Variants in CEP83 observed in about 807,000 individuals in gnomAD.
The protein encoded by CEP83 is centrosomal protein of 83 kDa.
CEP83 carries 70 observed loss-of-function variants against 101.9 expected under a neutral mutation model. That is an observed-to-expected ratio of 0.69 (90% CI 0.57 to 0.84). The LOEUF is 0.84. Ranked by LOEUF, CEP83 falls within the 40% of genes least tolerant of loss-of-function variation. The probability of loss-of-function intolerance (pLI) is 0.00; values close to 1 mark genes in which losing one functional copy is unlikely to be tolerated. For missense variants in CEP83, 715 were observed against 787.2 expected, an observed-to-expected ratio of 0.91 and a Z score of 1.10; for synonymous variants, 264 against 267.9, an observed-to-expected ratio of 0.99 and a Z score of 0.14.
intron 2 of CEP83, among the ~76,000 whole-genome samples, chr12:94,413,216 T>C (rs1015336027): frequency 2.0e-5 from 3 of 152,212 alleles, no homozygotes; most frequent in African/African-American, 7.2e-5. Flanking sequence ...TAAAACAAAA[T>C]GCAAATATAA....
intron 6 of CEP83, among the ~76,000 whole-genome samples, chr12:94,400,223 A>G (rs1351162939): frequency 6.6e-6 from 1 of 152,202 alleles, no homozygotes; most frequent in Non-Finnish European, 1.5e-5. Flanking sequence ...AATATTCCAA[A>G]AGCAACACGA....
intron 1 of CEP83, among the ~76,000 whole-genome samples, chr12:94,435,833 C>T (rs2065943003): frequency 6.6e-6 from 1 of 152,206 alleles, no homozygotes; most frequent in East Asian, 1.9e-4. Flanking sequence ...CCAGCATTCA[C>T]TCTCCTGCCA....
Position 94,441,335 on chromosome 12 carries a change from C to A in CEP83, c.-154-6008G>T, listed in dbSNP as rs182008674. ...CTCAAACAAATCTGCAAGAAAAAAA[C>A]CAAATATTCCCATCAAAAATTAGGG... On this transcript the variant is annotated intron_variant, in intron 1 of 16. Coordinates refer to ENST00000397809, the MANE Select transcript of CEP83 (RefSeq NM_016122.3). Among the ~76,000 whole-genome samples the A allele has an allele frequency of 7.7e-3, 1,177 of 152,162 alleles. 7 individuals carry two copies. Among genetic ancestry groups the A allele is most frequent in the African/African-American group, 0.011 (477 of 41,516 alleles).
the CEP83 span, chr12:94,277,783 A>G: frequency 7.7e-5 from 28 of 364,638 alleles, no homozygotes; most frequent in African/African-American, 3.8e-4. Flanking sequence ...TATTGCCGAT[A>G]CTATCATCAA....
chr12:94,429,385 T>A (rs1415709214), intron 2 of CEP83, among the ~76,000 whole-genome samples: 1 of 152,146 alleles, frequency 6.6e-6, no homozygotes, highest in Admixed American at 6.5e-5. Context: ...CACAACAGCA[T>A]TGCTCCAGAG....
At chr12:94,297,280 TCTC>T in the CEP83 span, 1 of 1,612,270 alleles carries the variant, frequency 6.2e-7, no homozygotes, top group Non-Finnish European at 8.5e-7. Context: ...GCAAGAGTGG[TCTC>T]CTTGGGTAAC....
At chr12:94,307,205 T>C (rs920556328), downstream of CEP83, 2 of 152,196 alleles carry the variant, frequency 1.3e-5, no homozygotes, top group Admixed American at 1.3e-4. Flanking sequence ...GTTGGGAACT[T>C]TGGGCAAGTC....
intron 6 of CEP83, among the ~76,000 whole-genome samples, chr12:94,399,482 G>A (rs1028258322): frequency 2.2e-4 from 34 of 152,328 alleles, no homozygotes; most frequent in African/African-American, 8.2e-4. Context: ...GGCTGAGGCA[G>A]GAGGATCACT....
chr12:94,446,309 G>C (rs1450862839), intron 1 of CEP83, among the ~76,000 whole-genome samples: 1 of 152,190 alleles, frequency 6.6e-6, no homozygotes, highest in Non-Finnish European at 1.5e-5. Context: ...TTTGACCAGA[G>C]ATATGCCATA....
At chr12:94,304,826 C>A (rs796287558), downstream of CEP83, among the ~76,000 whole-genome samples, 9 of 152,348 alleles carry the variant, frequency 5.9e-5, no homozygotes, top group African/African-American at 1.9e-4. Context: ...ACCAGGATGT[C>A]CCTGCCTGCT....
intron 16 of CEP83, among the ~76,000 whole-genome samples, chr12:94,309,649 CTCAA>C (rs1054919758): frequency 6.6e-6 from 1 of 152,142 alleles, no homozygotes; most frequent in East Asian, 1.9e-4. Flanking sequence ...TACTCAATGA[CTCAA>C]TCAAGTTTCC....
At position 94,368,041 on chromosome 12, in the gene CEP83, G is replaced by T; in HGVS notation, c.1193+16C>A. ...GCAAGGATATTTAAGTCAAACTAAG[G>T]TAATTAAGTACTTACTTTTCATCTT... On this transcript the variant is annotated intron_variant, in intron 10 of 16. Transcript: ENST00000397809. 1 of 1,609,064 alleles carries T rather than the reference G, an allele frequency of 6.2e-7. No homozygotes were observed. The highest frequency in any genetic ancestry group is 8.5e-7 in the Non-Finnish European group (1 of 1,176,696).
At position 94,403,798 on chromosome 12, in the gene CEP83, A is replaced by G. The variant is rs186136725; in HGVS notation, c.325-536T>C. Among the ~76,000 whole-genome samples, 157 of 151,956 alleles carry G rather than the reference A, an allele frequency of 1.0e-3. No individual in the cohort carries two copies. In the Middle Eastern group the frequency reaches 0.021, roughly 20 times the overall value. ...AAACACAGTCTTTATTCACCGTTGT[A>G]TTCCCAATACCTCCCACCAATGTCT... is the stretch of plus-strand genomic sequence containing the variant. On this transcript the variant is annotated intron_variant, in intron 4 of 16. Transcript: ENST00000397809.
At chr12:94,297,097 A>C in the CEP83 span, 1 of 1,245,810 alleles carries the variant, frequency 8.0e-7, no homozygotes, top group Non-Finnish European at 1.2e-6. Flanking sequence ...TTCAGTATAC[A>C]GCACAAATGG....
chr12:94,323,944 A>C (rs2136402559), intron 14 of CEP83, among the ~76,000 whole-genome samples: 2 of 152,348 alleles, frequency 1.3e-5, no homozygotes, highest in South Asian at 2.1e-4. Flanking sequence ...AGATCACAAT[A>C]GTTTTCCTTC....
the CEP83 span, among the ~76,000 whole-genome samples, chr12:94,299,722 G>GCTAA: frequency 2.0e-5 from 3 of 152,216 alleles, no homozygotes; most frequent in South Asian, 4.1e-4. Context: ...ACCGCACTCA[G>GCTAA]CTAACTTTTA....
rs1173485076 is a variant in CEP83, at chr12:94,411,731, T to C, written c.290A>G (p.Glu97Gly). 6.2e-7 allele frequency: 1 copy of C among 1,605,684 alleles called. No homozygotes were observed. Among genetic ancestry groups the C allele is most frequent in the Non-Finnish European group, 8.5e-7 (1 of 1,176,998 alleles). ...LLEELRGELV[E>G]KTKDLEEMKL... ...CATTTCTTCTAAATCTTTAGTTTTCTCTACTAATTCTCCTCTTAGTTCTTC... is the reference window on the plus strand; with the variant it reads ...CATTTCTTCTAAATCTTTAGTTTTCCCTACTAATTCTCCTCTTAGTTCTTC... The change falls in exon 4 of 17, where the codon GAG becomes GGG. Residue 97 changes from glutamate to glycine, a missense_variant. Physicochemically the swap from Glu to Gly is moderately conservative, Grantham distance 98. Coordinates refer to ENST00000397809, the MANE Select transcript of CEP83 (RefSeq NM_016122.3).
the CEP83 span, among the ~76,000 whole-genome samples, chr12:94,293,054 T>C: frequency 6.6e-6 from 1 of 152,256 alleles, no homozygotes; most frequent in Non-Finnish European, 1.5e-5. Context: ...GTTTGGGCTT[T>C]TTCTTTTTTC....
intron 6 of CEP83, among the ~76,000 whole-genome samples, chr12:94,397,335 C>A (rs56698443): frequency 0.042 from 6,383 of 152,116 alleles, 402 homozygotes; most frequent in African/African-American, 0.14. Context: ...CCCATCTCTA[C>A]TAAAAATACA....
Sources: gnomAD v4.1 joint callset for allele counts (sites outside exome capture counted in the v4.1 genomes callset) on GRCh38, gnomAD v4.1.1 for gene constraint, MANE v1.5 for transcripts, NCBI Gene and HGNC (gene_info 2026-07-23, HGNC 2026-07-21) for gene names.